NDUFA8: variants seen among roughly 807,000 people sequenced by gnomAD.
NDUFA8 encodes the protein NADH dehydrogenase [ubiquinone] 1 alpha subcomplex subunit 8.
A neutral mutation model predicts 20.9 loss-of-function variants in NDUFA8; 16 were observed. The ratio of observed to expected loss-of-function variants is 0.77; its 90% CI spans 0.52 to 1.16. NDUFA8 has a LOEUF of 1.16. NDUFA8 is among the 50% of genes most tolerant of loss of function. NDUFA8 has a pLI of 0.00. For missense variants in NDUFA8, 202 were observed against 216.4 expected (o/e 0.93, Z 0.42); for synonymous variants, 70 against 76.1 (o/e 0.92, Z 0.41).
intron 3 of NDUFA8, among the ~76,000 whole-genome samples, chr9:122,144,789 G>A (rs1828877528): frequency 1.3e-5 from 2 of 152,144 alleles, no homozygotes; most frequent in South Asian, 4.1e-4. Flanking sequence ...TTTTAAGGAG[G>A]TAAGACTTAG....
chr9:122,144,209 C>G lies in NDUFA8; in HGVS notation c.*32G>C. 1 of 1,612,908 alleles carries G rather than the reference C, an allele frequency of 6.2e-7. No individual in the cohort carries two copies. Among genetic ancestry groups the G allele is most frequent in the Non-Finnish European group, 8.5e-7 (1 of 1,179,986 alleles). The stretch of plus-strand genomic sequence containing the variant: ...GCGTTTTCATCAGTCGTTGTCTGAG[C>G]ACATGACCGAGTGTGGGCCACGGAC... On this transcript the variant is annotated 3_prime_UTR_variant, in exon 4 of 4. Transcript: ENST00000373768.
At chr9:122,157,688 G>A (rs1052356912) in intron 1 of NDUFA8, among the ~76,000 whole-genome samples, 4 of 151,394 alleles carry the variant, frequency 2.6e-5, no homozygotes, top group African/African-American at 9.8e-5. Flanking sequence ...TGGTTCGCCG[G>A]GGGGAACAAA....
chr9:122,148,037 C>G (rs1828931562), intron 3 of NDUFA8, 75 bp downstream of exon 3: 15 of 1,555,782 alleles, frequency 9.6e-6, no homozygotes, highest in Non-Finnish European at 1.2e-5. Flanking sequence ...TTTACAGAGA[C>G]CCTTTGCTGA....
chr9:122,133,924 T>C, the NDUFA8 span, among the ~76,000 whole-genome samples: 1 of 152,228 alleles, frequency 6.6e-6, no homozygotes, highest in South Asian at 2.1e-4. Context: ...CCCCACCTCC[T>C]GAGACCCGGC....
chr9:122,151,937 T>C (rs1829006183), intron 2 of NDUFA8, among the ~76,000 whole-genome samples: 1 of 152,216 alleles, frequency 6.6e-6, no homozygotes, highest in East Asian at 1.9e-4. Context: ...TTTACGTGCC[T>C]TTTCAAATTT....
chr9:122,145,003 T>C (rs531393344), intron 3 of NDUFA8, among the ~76,000 whole-genome samples: 1 of 152,240 alleles, frequency 6.6e-6, no homozygotes, highest in African/African-American at 2.4e-5. Context: ...TTTTCACTCT[T>C]AGGAGGTCAT....
Position 122,148,121 on chromosome 9 carries a change from T to C in NDUFA8, c.372A>G (p.Glu124=). 1 of 1,614,148 alleles carries C rather than the reference T, an allele frequency of 6.2e-7. No homozygotes were observed. Reference sequence around the variant, plus strand: ...GCAGAAGCCTTTTTACCTTTGACAGTTCTCCCAGGTCAGGCCGCACCCAGC... The same window carrying C: ...GCAGAAGCCTTTTTACCTTTGACAGCTCTCCCAGGTCAGGCCGCACCCAGC... ...KLGWVRPDLG[E]LSKVTKVKTD... is the part of the protein sequence containing the mutation. Residue 124 remains glutamate, a synonymous_variant, in exon 3 of 4, where the codon GAA becomes GAG. Coordinates refer to ENST00000373768, the MANE Select transcript of NDUFA8 (RefSeq NM_014222.3).
the NDUFA8 span, among the ~76,000 whole-genome samples, chr9:122,134,947 G>A: frequency 1.5e-4 from 23 of 152,348 alleles, no homozygotes; most frequent in Admixed American, 9.1e-4. Flanking sequence ...CCCCAAATGC[G>A]GAGAGCTGCA....
chr9:122,151,263 C>T (rs1465556342), intron 2 of NDUFA8, among the ~76,000 whole-genome samples: 1 of 152,146 alleles, frequency 6.6e-6, no homozygotes, highest in African/African-American at 2.4e-5. Context: ...TCTAATTTTC[C>T]TTTGGGAACA....
chr9:122,157,278 C>A (rs1190500580), intron 1 of NDUFA8, among the ~76,000 whole-genome samples: 1 of 152,184 alleles, frequency 6.6e-6, no homozygotes, highest in African/African-American at 2.4e-5. Flanking sequence ...TCATGTCTTA[C>A]ATTATGTCCA....
intron 1 of NDUFA8, 68 bp downstream of exon 1, chr9:122,159,559 G>T (rs983252382): frequency 2.5e-6 from 4 of 1,592,182 alleles, no homozygotes; most frequent in Non-Finnish European, 8.6e-7. Context: ...GAGCCCAAGG[G>T]GGGCTAGGCC....
At chr9:122,158,211 ATCATT>A (rs1829107925) in intron 1 of NDUFA8, among the ~76,000 whole-genome samples, 1 of 152,278 alleles carries the variant, frequency 6.6e-6, no homozygotes, top group South Asian at 2.1e-4. Flanking sequence ...TTGCTGGTAC[ATCATT>A]TCTAGTCTTG....
In NDUFA8 at chr9:122,159,584, C is replaced by G. The variant is rs780348512; in HGVS notation, c.51+43G>C. ...GGGGCTAGGCCCAGGCCCGAGAAGC[C>G]GCAGCCCCATGTCTCCCTTGCCTGT... On this transcript the variant is annotated intron_variant, in intron 1 of 3. Transcript: ENST00000373768. The G allele has an allele frequency of 1.2e-5, 20 of 1,612,638 alleles. No homozygotes were observed. The African/African-American group carries it at 2.0e-4, about 16-fold the overall frequency.
At chr9:122,150,841 G>A (rs988469631) in intron 2 of NDUFA8, among the ~76,000 whole-genome samples, 2 of 151,810 alleles carry the variant, frequency 1.3e-5, no homozygotes, top group Non-Finnish European at 2.9e-5. Flanking sequence ...GCATAGTGGC[G>A]CAGGCCTGTA....
rs1326176390 is a variant in NDUFA8, at chr9:122,159,626, C to A, written c.51+1G>T. On this transcript the variant is annotated splice_donor_variant, in intron 1 of 3. Coordinates refer to ENST00000373768, the MANE Select transcript of NDUFA8 (RefSeq NM_014222.3). LOFTEE classifies it high-confidence loss of function. ...CTTGCCTGTCCTCCGGATAGCCTCA[C>A]CTCATCTACTTTCAGCTCCTCTAGA... 1 of 1,614,164 alleles carries A rather than the reference C, an allele frequency of 6.2e-7. No homozygotes were observed. Among genetic ancestry groups the A allele is most frequent in the African/African-American group, 1.3e-5 (1 of 75,060 alleles).
chr9:122,144,232 G>T lies in NDUFA8; in HGVS notation c.*9C>A, dbSNP rs979969720. 6.2e-7 allele frequency: 1 copy of T among 1,613,382 alleles called. No individual in the cohort carries two copies. Among genetic ancestry groups the T allele is most frequent in the African/African-American group, 1.3e-5 (1 of 74,890 alleles). On this transcript the variant is annotated 3_prime_UTR_variant, in exon 4 of 4. Coordinates refer to ENST00000373768, the MANE Select transcript of NDUFA8 (RefSeq NM_014222.3). The stretch of plus-strand genomic sequence containing the variant: ...AGCACATGACCGAGTGTGGGCCACG[G>T]ACCCATCTTTACTTGGTCCAGAAAT...
downstream of NDUFA8, among the ~76,000 whole-genome samples, chr9:122,143,163 C>T (rs2118691745): frequency 6.6e-6 from 1 of 152,268 alleles, no homozygotes; most frequent in Non-Finnish European, 1.5e-5. Context: ...GCAATCTCCC[C>T]ACTTAGAAAA....
chr9:122,146,936 C>T (rs1288809580), intron 3 of NDUFA8, among the ~76,000 whole-genome samples: 1 of 152,144 alleles, frequency 6.6e-6, no homozygotes, highest in African/African-American at 2.4e-5. Flanking sequence ...CCACAGGGAA[C>T]AGAGGGAGCT....
intron 1 of NDUFA8, among the ~76,000 whole-genome samples, chr9:122,156,308 A>G (rs189895702): frequency 1.3e-5 from 2 of 152,358 alleles, no homozygotes; most frequent in Non-Finnish European, 2.9e-5. Flanking sequence ...GGAAACTGAG[A>G]CAAAGTCACC....
Sources: gnomAD v4.1 joint callset for allele counts (sites outside exome capture counted in the v4.1 genomes callset) on GRCh38, gnomAD v4.1.1 for gene constraint, MANE v1.5 for transcripts, NCBI Gene and HGNC (gene_info 2026-07-23, HGNC 2026-07-21) for gene names.